NAV3: variants seen among roughly 807,000 people sequenced by gnomAD.
The protein encoded by NAV3 is pore membrane and/or filament interacting like protein 1.
Under a neutral mutation model 244.7 loss-of-function variants are expected in NAV3, and 87 were observed. The observed-to-expected ratio is 0.36, with a 90% CI of 0.30 to 0.42. The LOEUF (loss-of-function observed/expected upper bound fraction) is 0.42, where lower values mean the gene tolerates loss of function less well. Among genes scored for constraint, NAV3 ranks in the 20% least tolerant of loss-of-function variants. The pLI is 1.00. For missense variants in NAV3, 2,663 were observed against 2,893.3 expected, an observed-to-expected ratio of 0.92 and a Z score of 1.83; for synonymous variants, 1,126 against 1,042.2, an observed-to-expected ratio of 1.08 and a Z score of -1.55.
chr12:78,088,379 G>A (rs890595744), intron 12 of NAV3, among the ~76,000 whole-genome samples: 2 of 152,044 alleles, frequency 1.3e-5, no homozygotes, highest in African/African-American at 4.8e-5. Flanking sequence ...TATAGAATGT[G>A]TGAATAGATT....
At chr12:77,978,386 T>C (rs1391704859) in intron 5 of NAV3, among the ~76,000 whole-genome samples, 1 of 152,160 alleles carries the variant, frequency 6.6e-6, no homozygotes, top group African/African-American at 2.4e-5. Flanking sequence ...ATATTTTCTA[T>C]CAAACACTAG....
At chr12:78,205,237 C>T (rs1960170364) in intron 39 of NAV3, 99 bp downstream of exon 39, 5 of 1,271,104 alleles carry the variant, frequency 3.9e-6, no homozygotes, top group South Asian at 1.4e-5. Flanking sequence ...TTATCCTAAG[C>T]AACATTTGGA....
At chr12:77,621,593 C>G (rs1039109427) in intron 2 of NAV3, among the ~76,000 whole-genome samples, 6 of 151,098 alleles carry the variant, frequency 4.0e-5, no homozygotes, top group African/African-American at 1.5e-4. Context: ...GATTCTCCTG[C>G]CTCAGCCTCC....
chr12:78,208,349 C>A (rs571616902), intron 39 of NAV3, among the ~76,000 whole-genome samples: 1 of 152,118 alleles, frequency 6.6e-6, no homozygotes, highest in Admixed American at 6.6e-5. Context: ...CCTCCCACTA[C>A]GACTCACATC....
At chr12:77,941,708 C>T (rs1257810380) in intron 3 of NAV3, among the ~76,000 whole-genome samples, 1 of 152,152 alleles carries the variant, frequency 6.6e-6, no homozygotes, top group East Asian at 1.9e-4. Context: ...CCAATAAAAA[C>T]TTCAAGTTTT....
chr12:77,720,665 A>G (rs757329050), intron 2 of NAV3, among the ~76,000 whole-genome samples: 35 of 152,140 alleles, frequency 2.3e-4, no homozygotes, highest in Non-Finnish European at 4.3e-4. Context: ...CTCTAGGAAG[A>G]AGCTGAGAGT....
chr12:78,082,005 G>A (rs927469137), intron 12 of NAV3, among the ~76,000 whole-genome samples: 1 of 152,182 alleles, frequency 6.6e-6, no homozygotes, highest in Non-Finnish European at 1.5e-5. Flanking sequence ...CCTGTCGTGG[G>A]ATGGACCCAG....
At chr12:78,134,147 C>A (rs1326513635) in intron 18 of NAV3, among the ~76,000 whole-genome samples, 1 of 151,318 alleles carries the variant, frequency 6.6e-6, no homozygotes, top group Non-Finnish European at 1.5e-5. Context: ...TGCATAGGAA[C>A]AGTTTCTATG....
At chr12:77,604,396 A>G (rs1269537119) in intron 2 of NAV3, among the ~76,000 whole-genome samples, 1 of 152,096 alleles carries the variant, frequency 6.6e-6, no homozygotes, top group Non-Finnish European at 1.5e-5. Flanking sequence ...CAAAAAGAGG[A>G]TTAACATTCT....
chr12:77,606,387 T>G (rs1489869592), intron 2 of NAV3, among the ~76,000 whole-genome samples: 1 of 152,134 alleles, frequency 6.6e-6, no homozygotes, highest in Non-Finnish European at 1.5e-5. Context: ...AAACTTGTTT[T>G]TGTTGTGCTG....
At chr12:78,052,818 C>A (rs762659746) in intron 11 of NAV3, among the ~76,000 whole-genome samples, 7 of 151,990 alleles carry the variant, frequency 4.6e-5, no homozygotes, top group Non-Finnish European at 8.8e-5. Flanking sequence ...TTTTCTCAAT[C>A]TCCTTAGATG....
chr12:78,149,017 C>A, intron 22 of NAV3, 98 bp downstream of exon 22: 1 of 994,936 alleles, frequency 1.0e-6, no homozygotes, highest in Non-Finnish European at 1.5e-6. Flanking sequence ...GTGCCTGATA[C>A]AGACTTAGAT....
At chr12:77,852,850 C>G (rs946468438) in intron 1 of NAV3, among the ~76,000 whole-genome samples, 6 of 152,286 alleles carry the variant, frequency 3.9e-5, no homozygotes, top group Middle Eastern at 3.4e-3. Context: ...TACGTGAATT[C>G]TCCCACAATT....
intron 1 of NAV3, among the ~76,000 whole-genome samples, chr12:77,925,916 C>T (rs1376922143): frequency 6.6e-6 from 1 of 151,856 alleles, no homozygotes; most frequent in Non-Finnish European, 1.5e-5. Context: ...AAATAGGATG[C>T]CCTCTAGTGG....
At chr12:77,700,401 T>C (rs560607892) in intron 2 of NAV3, among the ~76,000 whole-genome samples, 6 of 152,228 alleles carry the variant, frequency 3.9e-5, no homozygotes, top group African/African-American at 1.4e-4. Context: ...GAAAATAAAT[T>C]AAAATTAAAG....
chr12:78,124,738 G>A (rs768748890), intron 16 of NAV3, among the ~76,000 whole-genome samples: 1 of 152,108 alleles, frequency 6.6e-6, no homozygotes, highest in Non-Finnish European at 1.5e-5. Context: ...ACAGGTGTGA[G>A]CCGTGGCACC....
chr12:78,204,822 G>C, intron 38 of NAV3, 113 bp from the exon 39 acceptor site: 1 of 847,760 alleles, frequency 1.2e-6, no homozygotes, highest in Non-Finnish European at 1.8e-6. Flanking sequence ...TAATTCTCTT[G>C]AAAGTCCCTT....
chr12:78,124,039 A>G (rs913384770), intron 16 of NAV3, among the ~76,000 whole-genome samples: 1 of 152,230 alleles, frequency 6.6e-6, no homozygotes, highest in Non-Finnish European at 1.5e-5. Flanking sequence ...TCAACTTGAT[A>G]ACCAAACCAA....
At chr12:77,651,606 A>G (rs917264927) in intron 2 of NAV3, among the ~76,000 whole-genome samples, 1 of 152,186 alleles carries the variant, frequency 6.6e-6, no homozygotes, top group African/African-American at 2.4e-5. Flanking sequence ...AGGCTGCTTC[A>G]TCAGAAAGCC....
Sources: allele counts gnomAD v4.1 joint callset (sites outside exome capture counted in the v4.1 genomes callset), GRCh38; gene constraint gnomAD v4.1.1; transcripts MANE v1.5; gene names NCBI Gene and HGNC (gene_info 2026-07-23, HGNC 2026-07-21).